The following CASR variants were observed in gnomAD, a reference collection of about 807,000 sequenced individuals.
CASR encodes extracellular calcium-sensing receptor.
A neutral mutation model predicts 69.1 loss-of-function variants in CASR; 23 were observed. That is an observed-to-expected ratio of 0.33 (90% CI 0.24 to 0.47). The LOEUF (loss-of-function observed/expected upper bound fraction) is 0.47, where lower values mean the gene tolerates loss of function less well. CASR is among the 20% of genes least tolerant of loss of function. The pLI is 1.00. For synonymous variants in CASR, 541 were observed against 544.7 expected, an observed-to-expected ratio of 0.99 and a Z score of 0.10; for missense variants, 924 against 1,356.1, an observed-to-expected ratio of 0.68 and a Z score of 5.00.
chr3:122,262,145 G>A lies in CASR; in HGVS notation c.1110G>A (p.Val370=), dbSNP rs150412204. The change falls in exon 4 of 7, where the codon GTG becomes GTA. Residue 370 remains valine (V), a synonymous_variant. Transcript: ENST00000639785. ...AAGGTGCAAAAGGACCTTTACCTGTGGACACCTTTCTGAGAGGTCACGAAG... is the reference window on the plus strand; with the variant it reads ...AAGGTGCAAAAGGACCTTTACCTGTAGACACCTTTCTGAGAGGTCACGAAG... ...LQEGAKGPLP[V]DTFLRGHEES... 85 of 1,614,168 alleles carry A rather than the reference G, an allele frequency of 5.3e-5. No homozygotes were observed. In the African/African-American group the frequency reaches 1.0e-3, roughly 20 times the overall value.
chr3:122,198,013 A>C (rs774683889), intron 1 of CASR, among the ~76,000 whole-genome samples: 10 of 152,194 alleles, frequency 6.6e-5, no homozygotes, highest in Non-Finnish European at 1.3e-4. Context: ...CTGACTTCTC[A>C]GAGCTCTGCA....
At chr3:122,271,166 C>T (rs2074752971) in intron 4 of CASR, among the ~76,000 whole-genome samples, 2 of 152,190 alleles carry the variant, frequency 1.3e-5, no homozygotes, top group African/African-American at 2.4e-5. Flanking sequence ...TCCACATAGT[C>T]ATGCTGGACA....
chr3:122,263,903 G>A (rs556040444), intron 4 of CASR, among the ~76,000 whole-genome samples: 1 of 152,242 alleles, frequency 6.6e-6, no homozygotes, highest in African/African-American at 2.4e-5. Context: ...AATCTTCTAG[G>A]TGGTTGTTAC....
intron 1 of CASR, among the ~76,000 whole-genome samples, chr3:122,202,068 G>A (rs998879882): frequency 6.6e-5 from 10 of 152,022 alleles, no homozygotes; most frequent in Middle Eastern, 3.4e-3. Context: ...CAAGGCAGGC[G>A]GCTGGGAGGT....
intron 1 of CASR, among the ~76,000 whole-genome samples, chr3:122,214,781 C>G (rs1052582429): frequency 6.6e-5 from 10 of 152,214 alleles, no homozygotes; most frequent in African/African-American, 2.4e-4. Context: ...TGTCCCCTAA[C>G]TGGACACGTG....
At chr3:122,185,500 A>T (rs2073770029) in intron 1 of CASR, among the ~76,000 whole-genome samples, 1 of 152,256 alleles carries the variant, frequency 6.6e-6, no homozygotes, top group African/African-American at 2.4e-5. Context: ...GGAAGAGTCC[A>T]TGTCAAGTTC....
At chr3:122,195,366 A>G (rs1007569485) in intron 1 of CASR, among the ~76,000 whole-genome samples, 1 of 152,218 alleles carries the variant, frequency 6.6e-6, no homozygotes, top group African/African-American at 2.4e-5. Context: ...CACTACTGCA[A>G]AATTTCAGAT....
intron 4 of CASR, among the ~76,000 whole-genome samples, chr3:122,271,632 T>C (rs1309727788): frequency 6.6e-6 from 1 of 152,226 alleles, no homozygotes; most frequent in African/African-American, 2.4e-5. Flanking sequence ...TACAATTCAG[T>C]CATTTAAAGT....
At chr3:122,202,067 C>T (rs1444980619) in intron 1 of CASR, among the ~76,000 whole-genome samples, 6 of 152,054 alleles carry the variant, frequency 3.9e-5, no homozygotes, top group Admixed American at 2.0e-4. Context: ...CCAAGGCAGG[C>T]GGCTGGGAGG....
At chr3:122,227,531 C>T (rs1330680798) in intron 1 of CASR, among the ~76,000 whole-genome samples, 1 of 152,212 alleles carries the variant, frequency 6.6e-6, no homozygotes, top group Admixed American at 6.5e-5. Flanking sequence ...GCACCGTGTG[C>T]AGCCCTGGTT....
chr3:122,204,859 C>A (rs113036579), intron 1 of CASR, among the ~76,000 whole-genome samples: 363 of 152,058 alleles, frequency 2.4e-3, no homozygotes, highest in African/African-American at 8.2e-3. Context: ...ACTTGTCAAC[C>A]ATTTGTATGT....
At chr3:122,227,517 G>T (rs182692693) in intron 1 of CASR, among the ~76,000 whole-genome samples, 1 of 152,182 alleles carries the variant, frequency 6.6e-6, no homozygotes, top group African/African-American at 2.4e-5. Context: ...GTGCTGGCCC[G>T]CAAGCACCGT....
chr3:122,282,243 GA>G lies in CASR; in HGVS notation c.1732+9del, dbSNP rs1203795396. The G allele has an allele frequency of 6.2e-7, 1 of 1,614,030 alleles. No individual in the cohort carries two copies. The highest frequency in any genetic ancestry group is 2.2e-5 in the East Asian group (1 of 44,876). On this transcript the variant is annotated splice_region_variant and intron_variant, in intron 6 of 6. Coordinates refer to ENST00000639785, the MANE Select transcript of CASR (RefSeq NM_000388.4). Reference sequence around the variant, plus strand: ...GAGTATAGTGATGAGACAGGTAAGGGAACCCCTCTTGGGCACTGTGCAGGGC... The same window carrying G: ...GAGTATAGTGATGAGACAGGTAAGGGACCCCTCTTGGGCACTGTGCAGGGC...
intron 4 of CASR, among the ~76,000 whole-genome samples, chr3:122,267,739 A>G (rs1466989050): frequency 6.6e-6 from 1 of 152,164 alleles, no homozygotes; most frequent in Non-Finnish European, 1.5e-5. Flanking sequence ...TCAGAACTAT[A>G]CACTTAAAAT....
chr3:122,229,556 T>C (rs2074260427), intron 1 of CASR, among the ~76,000 whole-genome samples: 1 of 152,244 alleles, frequency 6.6e-6, no homozygotes, highest in Admixed American at 6.5e-5. Context: ...GTTTGCACAC[T>C]AAAAATTAGA....
intron 1 of CASR, among the ~76,000 whole-genome samples, chr3:122,233,569 C>T (rs1372308829): frequency 1.4e-4 from 22 of 152,210 alleles, no homozygotes; most frequent in Admixed American, 1.4e-3. Context: ...ATTTTGTCCA[C>T]CTGATGATGT....
intron 1 of CASR, among the ~76,000 whole-genome samples, chr3:122,223,347 T>C (rs2074191578): frequency 6.6e-6 from 1 of 152,020 alleles, no homozygotes; most frequent in Non-Finnish European, 1.5e-5. Context: ...ATAAACACAA[T>C]TGGAAATGAC....
At chr3:122,282,261 G>C (rs776383129) in intron 6 of CASR, 25 bp downstream of exon 6, 1 of 1,613,314 alleles carries the variant, frequency 6.2e-7, no homozygotes, top group Non-Finnish European at 8.5e-7. Context: ...CTTGGGCACT[G>C]TGCAGGGCTT....
intron 1 of CASR, among the ~76,000 whole-genome samples, chr3:122,198,826 C>T (rs535563958): frequency 6.8e-6 from 1 of 147,752 alleles, no homozygotes; most frequent in African/African-American, 2.5e-5. Context: ...TTTATATATA[C>T]ATATATATGA....
Sources: gnomAD v4.1 joint callset for allele counts (sites outside exome capture counted in the v4.1 genomes callset) on GRCh38, gnomAD v4.1.1 for gene constraint, MANE v1.5 for transcripts, NCBI Gene and HGNC (gene_info 2026-07-23, HGNC 2026-07-21) for gene names.